The following IL1RAPL2 variants were observed in gnomAD, a reference collection of about 807,000 sequenced individuals.
The protein encoded by IL1RAPL2 is interleukin 1 receptor accessory protein like 2.
A neutral mutation model predicts 44.1 loss-of-function variants in IL1RAPL2; 3 were observed. The observed-to-expected ratio is 0.07, with a 90% confidence interval of 0.03 to 0.18. The LOEUF is 0.18. IL1RAPL2 is among the 10% of genes least tolerant of loss of function. IL1RAPL2 has a pLI of 1.00. For synonymous variants in IL1RAPL2, 181 were observed against 178.8 expected, an observed-to-expected ratio of 1.01 and a Z score of -0.10; for missense variants, 391 against 496.4, an observed-to-expected ratio of 0.79 and a Z score of 2.02.
chrX:105,692,835 G>A (rs1360427458), intron 6 of IL1RAPL2, among the ~76,000 whole-genome samples: 2 of 111,560 alleles, frequency 1.8e-5, no homozygotes, highest in Non-Finnish European at 3.8e-5. Context: ...GATTGCTCTA[G>A]TAGCAGTATG....
At chrX:104,665,755 C>A (rs1448335406) in intron 2 of IL1RAPL2, among the ~76,000 whole-genome samples, 1 of 110,629 alleles carries the variant, frequency 9.0e-6, no homozygotes, top group Non-Finnish European at 1.9e-5. Context: ...TGAAATATTC[C>A]ATTGTGTGGA....
intron 5 of IL1RAPL2, among the ~76,000 whole-genome samples, chrX:105,459,721 G>A (rs747849561): frequency 9.0e-6 from 1 of 111,410 alleles, no homozygotes; most frequent in African/African-American, 3.3e-5. Flanking sequence ...AGCATTTGGG[G>A]CATGTGTGTG....
At chrX:104,907,769 T>C (rs1387028567) in intron 2 of IL1RAPL2, among the ~76,000 whole-genome samples, 1 of 110,696 alleles carries the variant, frequency 9.0e-6, no homozygotes, top group Non-Finnish European at 1.9e-5. Context: ...CTGAAAAAAA[T>C]GTATATTCTG....
At chrX:104,569,934 T>C (rs1016253625) in intron 1 of IL1RAPL2, among the ~76,000 whole-genome samples, 1 of 112,339 alleles carries the variant, frequency 8.9e-6, no homozygotes, top group African/African-American at 3.2e-5. Context: ...CATATATTTA[T>C]CCTTTGTATT....
At chrX:105,090,024 G>A (rs1441343151) in intron 2 of IL1RAPL2, among the ~76,000 whole-genome samples, 3 of 111,715 alleles carry the variant, frequency 2.7e-5, no homozygotes, top group Non-Finnish European at 3.8e-5. Context: ...GGATGGGAGA[G>A]AGTAAGGAAG....
At chrX:104,585,359 TATTA>T (rs1178266118) in intron 1 of IL1RAPL2, among the ~76,000 whole-genome samples, 3 of 22,030 alleles carry the variant, frequency 1.4e-4, no homozygotes, top group African/African-American at 1.0e-3. Flanking sequence ...ATATTATATA[TATTA>T]TATATATTAT....
intron 2 of IL1RAPL2, among the ~76,000 whole-genome samples, chrX:104,993,778 T>C (rs1320805918): frequency 9.0e-6 from 1 of 111,615 alleles, no homozygotes; most frequent in Non-Finnish European, 1.9e-5. Context: ...AACTCTAGGA[T>C]CATGAAATAA....
At chrX:104,922,047 G>C (rs1184820541) in intron 2 of IL1RAPL2, among the ~76,000 whole-genome samples, 1 of 112,278 alleles carries the variant, frequency 8.9e-6, no homozygotes, top group Non-Finnish European at 1.9e-5. Flanking sequence ...CCCCTGCGAA[G>C]GTAAGTGTTT....
At chrX:105,730,854 C>T (rs2147566164) in intron 7 of IL1RAPL2, among the ~76,000 whole-genome samples, 1 of 111,277 alleles carries the variant, frequency 9.0e-6, no homozygotes, top group Non-Finnish European at 1.9e-5. Flanking sequence ...CTGTGGGATA[C>T]AGCAAAAGCA....
intron 2 of IL1RAPL2, among the ~76,000 whole-genome samples, chrX:104,802,969 C>G (rs2147614279): frequency 9.0e-6 from 1 of 111,701 alleles, no homozygotes; most frequent in East Asian, 2.8e-4. Context: ...AGCAAGCTTT[C>G]TGTTTGCTTA....
At chrX:104,788,160 G>C (rs1932808094) in intron 2 of IL1RAPL2, among the ~76,000 whole-genome samples, 1 of 112,307 alleles carries the variant, frequency 8.9e-6, no homozygotes, top group African/African-American at 3.2e-5. Context: ...TAGAAATTTA[G>C]GCATCAGTAT....
chrX:105,016,413 C>T (rs767180304), intron 2 of IL1RAPL2, among the ~76,000 whole-genome samples: 1 of 111,296 alleles, frequency 9.0e-6, no homozygotes, highest in African/African-American at 3.3e-5. Flanking sequence ...GGAATGCTTC[C>T]AGTTTTTGCC....
chrX:104,818,152 C>T (rs1311064523), intron 2 of IL1RAPL2, among the ~76,000 whole-genome samples: 1 of 108,478 alleles, frequency 9.2e-6, no homozygotes, highest in African/African-American at 3.4e-5. Context: ...GTCAGGAGAT[C>T]GAGACCACGG....
chrX:105,166,267 T>C (rs1398681979), intron 2 of IL1RAPL2, among the ~76,000 whole-genome samples: 1 of 111,538 alleles, frequency 9.0e-6, no homozygotes, highest in Non-Finnish European at 1.9e-5. Context: ...TATTTGACAG[T>C]GTAGCCCCAG....
At chrX:105,056,593 A>G (rs2031997112) in intron 2 of IL1RAPL2, among the ~76,000 whole-genome samples, 1 of 111,458 alleles carries the variant, frequency 9.0e-6, no homozygotes, top group African/African-American at 3.3e-5. Flanking sequence ...CAGACCCTGA[A>G]TCCTGAAGGA....
rs752165058 is a variant in IL1RAPL2, at chrX:105,563,287, G to A, written c.772+78900G>A. ...TGTCCAAGGAAACATAACTAGTAAG[G>A]GAAAGAGCTAGAGTTTGAACTCAAC... On this transcript the variant is annotated intron_variant, in intron 6 of 10. Transcript: ENST00000372582. Among the ~76,000 whole-genome samples, 7 of 111,684 alleles carry A rather than the reference G, an allele frequency of 6.3e-5. No individual in the cohort carries two copies. The South Asian group carries it at 2.6e-3, about 42-fold the overall frequency.
chrX:104,646,331 CA>C (rs572432274), intron 1 of IL1RAPL2, among the ~76,000 whole-genome samples: 2,542 of 68,813 alleles, frequency 0.037, 22 homozygotes, highest in South Asian at 0.11. Flanking sequence ...GCTGGGGATG[CA>C]AAAAAAAAAA....
At chrX:105,732,401 T>C (rs1027931004) in intron 7 of IL1RAPL2, among the ~76,000 whole-genome samples, 2 of 110,476 alleles carry the variant, frequency 1.8e-5, no homozygotes, top group Admixed American at 9.7e-5. Flanking sequence ...TTGGTGCTGT[T>C]CTCATGATAG....
At chrX:104,751,818 A>T (rs765826415) in intron 2 of IL1RAPL2, among the ~76,000 whole-genome samples, 32 of 111,391 alleles carry the variant, frequency 2.9e-4, no homozygotes, top group Non-Finnish European at 1.1e-4. Context: ...TGACCCCAGG[A>T]GTTATGATCT....
Sources: allele counts gnomAD v4.1 joint callset (sites outside exome capture counted in the v4.1 genomes callset), GRCh38; gene constraint gnomAD v4.1.1; transcripts MANE v1.5; gene names NCBI Gene and HGNC (gene_info 2026-07-23, HGNC 2026-07-21).